The following FAM135B variants were observed in gnomAD, a reference collection of about 807,000 sequenced individuals.
The protein encoded by FAM135B is protein FAM135B.
Under a neutral mutation model 127.7 loss-of-function variants are expected in FAM135B, and 43 were observed. The ratio of observed to expected loss-of-function variants is 0.34; its 90% CI spans 0.26 to 0.43. The LOEUF is 0.43. Among genes scored for constraint, FAM135B ranks in the 20% least tolerant of loss-of-function variants. FAM135B has a pLI of 1.00. For missense variants in FAM135B, 1,558 were observed against 1,725.6 expected, an observed-to-expected ratio of 0.90 and a Z score of 1.72; for synonymous variants, 670 against 665.1, an observed-to-expected ratio of 1.01 and a Z score of -0.11.
chr8:138,139,164 T>G (rs1273618767), intron 17 of FAM135B, 68 bp from the exon 18 acceptor site: 2 of 973,842 alleles, frequency 2.1e-6, no homozygotes, highest in African/African-American at 3.4e-5. Flanking sequence ...GGGATGGAAT[T>G]TTGGTGAGAT....
chr8:138,402,578 A>C (rs1833213922), intron 1 of FAM135B, among the ~76,000 whole-genome samples: 1 of 152,130 alleles, frequency 6.6e-6, no homozygotes, highest in Non-Finnish European at 1.5e-5. Flanking sequence ...CTATGCAGAG[A>C]AGTAGGTGCT....
chr8:138,290,420 C>T (rs2130792399), intron 3 of FAM135B, among the ~76,000 whole-genome samples: 1 of 152,268 alleles, frequency 6.6e-6, no homozygotes, highest in East Asian at 1.9e-4. Context: ...AAAATAAGAA[C>T]TTAGCGGTCT....
rs1816102472 is a variant in FAM135B at position 138,130,340 on chromosome 8, A to G, written c.*2253T>C. The G allele has an allele frequency of 6.6e-6, 1 of 152,128 alleles. No individual in the cohort carries two copies. The highest frequency in any genetic ancestry group is 2.4e-5 in the African/African-American group (1 of 41,438). The allele number at this position is 152,128 out of a possible 1,614,324, so 9.4% of individuals were successfully genotyped here. A position where few individuals can be genotyped will look rare whatever the true frequency, so the allele number is the denominator to read the frequency against. ...TACAATATAGAGATGTACTTTCTAC[A>G]CAATTATAATAGATGCTCAGAGGCC... On this transcript the variant is annotated 3_prime_UTR_variant, in exon 20 of 20. Coordinates refer to ENST00000395297, the MANE Select transcript of FAM135B (RefSeq NM_015912.4).
At chr8:138,231,959 A>T (rs1409482342) in intron 7 of FAM135B, among the ~76,000 whole-genome samples, 1 of 152,232 alleles carries the variant, frequency 6.6e-6, no homozygotes, top group Non-Finnish European at 1.5e-5. Context: ...CCCAAAGGGG[A>T]AATACCTTAC....
intron 2 of FAM135B, among the ~76,000 whole-genome samples, chr8:138,355,191 C>G (rs534931172): frequency 9.9e-5 from 15 of 152,218 alleles, no homozygotes; most frequent in Admixed American, 8.5e-4. Flanking sequence ...ACTAGAAATA[C>G]CATTTGACCC....
intron 11 of FAM135B, among the ~76,000 whole-genome samples, chr8:138,175,206 C>G (rs1814331682): frequency 6.6e-6 from 1 of 152,180 alleles, no homozygotes; most frequent in Admixed American, 6.5e-5. Context: ...AGTACACAAT[C>G]CAAAGTCTTT....
chr8:138,272,083 A>C (rs183669863), intron 3 of FAM135B, among the ~76,000 whole-genome samples: 305 of 152,174 alleles, frequency 2.0e-3, no homozygotes, highest in African/African-American at 7.0e-3. Context: ...GCAATATGTT[A>C]GACATAATTC....
At chr8:138,324,580 C>T (rs1827670428) in intron 2 of FAM135B, among the ~76,000 whole-genome samples, 1 of 152,194 alleles carries the variant, frequency 6.6e-6, no homozygotes, top group Admixed American at 6.5e-5. Context: ...GCACCTATTA[C>T]TTTGATACCT....
At chr8:138,274,815 C>T (rs896851631) in intron 3 of FAM135B, among the ~76,000 whole-genome samples, 1 of 152,010 alleles carries the variant, frequency 6.6e-6, no homozygotes, top group African/African-American at 2.4e-5. Flanking sequence ...TCTGTTCCAC[C>T]CGGCTCACCG....
Position 138,242,983 on chromosome 8 carries a change from A to C in FAM135B, c.628T>G (p.Leu210Val), listed in dbSNP as rs1451908736. 10 of 1,613,958 alleles carry C rather than the reference A, an allele frequency of 6.2e-6. No individual in the cohort carries two copies. Among genetic ancestry groups the C allele is most frequent in the Non-Finnish European group, 8.5e-6 (10 of 1,179,894 alleles). Residue 210 changes from leucine (L) to valine (V), a missense_variant, in exon 7 of 20, where the codon TTG (leucine) becomes GTG (valine). Around this residue, in one of 5 missense-constraint regions of FAM135B, gnomAD observed 127 missense variants for 109.7 expected, o/e 1.16. Transcript: ENST00000395297. The surrounding 1 kb of genome is among the most constrained non-coding windows in gnomAD (Gnocchi z 9.6). ...TTGCAGTACCCAGCTCCAAAGACCA[A>C]GTTTTCCAGAGAAATGATAGACTGT... ...QEQSIISLENLVFGAGYCKPT... is the reference protein window; with the variant it reads ...QEQSIISLENVVFGAGYCKPT...
At chr8:138,221,371 G>A (rs1028335620) in intron 7 of FAM135B, among the ~76,000 whole-genome samples, 1 of 152,074 alleles carries the variant, frequency 6.6e-6, no homozygotes, top group African/African-American at 2.4e-5. Context: ...AGCACCAAGG[G>A]GGATGGTGCC....
intron 2 of FAM135B, among the ~76,000 whole-genome samples, chr8:138,362,704 C>G (rs895141340): frequency 2.0e-5 from 3 of 152,156 alleles, no homozygotes; most frequent in Non-Finnish European, 4.4e-5. Flanking sequence ...GGTACGATTA[C>G]TTATTATTGT....
In FAM135B at chr8:138,151,822, C is replaced by G. The variant is rs570924723; in HGVS notation, c.2653G>C (p.Val885Leu). Residue 885 changes from valine to leucine, a missense_variant, in exon 13 of 20, where the codon GTC becomes CTC. Val to Leu is a conservative substitution (Grantham distance 32). Transcript: ENST00000395297. ...TKGLNLKIPRVIALENPRTRS... is the reference protein window; with the variant it reads ...TKGLNLKIPRLIALENPRTRS... ...GTCCTGGGGTTTTCAAGTGCTATGA[C>G]GCGTGGTATTTTTAAATTAAGACCT... 8.1e-6 allele frequency: 13 copies of G among 1,613,994 alleles called. No individual in the cohort carries two copies. Among genetic ancestry groups the G allele is most frequent in the Non-Finnish European group, 1.1e-5 (13 of 1,180,038 alleles).
At position 138,310,932 on chromosome 8, in the gene FAM135B, G is replaced by A. The variant is rs2130894252; in HGVS notation, c.78-12C>T. ...GGATCTGGTAATACCTAAGAAAAGAGAAGAGGACAGGGTGCTGAAGATCAG... is the reference window on the plus strand; with the variant it reads ...GGATCTGGTAATACCTAAGAAAAGAAAAGAGGACAGGGTGCTGAAGATCAG... On this transcript the variant is annotated splice_polypyrimidine_tract_variant and intron_variant, in intron 2 of 19. Coordinates refer to ENST00000395297, the MANE Select transcript of FAM135B (RefSeq NM_015912.4). The A allele has an allele frequency of 6.2e-7, 1 of 1,608,298 alleles. No homozygotes were observed. The highest frequency in any genetic ancestry group is 8.5e-7 in the Non-Finnish European group (1 of 1,176,454).
chr8:138,142,653 A>C (rs1454651486), intron 16 of FAM135B, among the ~76,000 whole-genome samples: 1 of 152,102 alleles, frequency 6.6e-6, no homozygotes, highest in South Asian at 2.1e-4. Flanking sequence ...ATAAGAAAAC[A>C]GAGGTTTAGA....
At chr8:138,261,478 T>C (rs986510169) in intron 4 of FAM135B, among the ~76,000 whole-genome samples, 2 of 152,242 alleles carry the variant, frequency 1.3e-5, no homozygotes, top group South Asian at 4.1e-4. Flanking sequence ...AGAGGGTGTT[T>C]GTGCATTTTG....
At chr8:138,467,079 C>T (rs1327546458) in intron 1 of FAM135B, among the ~76,000 whole-genome samples, 2 of 152,176 alleles carry the variant, frequency 1.3e-5, no homozygotes, top group South Asian at 2.1e-4. Context: ...AATCAGTCAT[C>T]AGTCACTAAA....
At chr8:138,195,364 T>C in intron 8 of FAM135B, 57 bp from the exon 9 acceptor site, 1 of 1,558,364 alleles carries the variant, frequency 6.4e-7, no homozygotes, top group Non-Finnish European at 8.8e-7. Flanking sequence ...ATGCAGCAGT[T>C]GCTAATTAAA....
intron 2 of FAM135B, among the ~76,000 whole-genome samples, chr8:138,356,589 G>A (rs1830105027): frequency 6.6e-6 from 1 of 152,150 alleles, no homozygotes; most frequent in South Asian, 2.1e-4. Context: ...ATGGTGAAGT[G>A]ATTTTTTCAA....
Sources: gnomAD v4.1 joint callset for allele counts (sites outside exome capture counted in the v4.1 genomes callset) on GRCh38, gnomAD v4.1.1 for gene constraint, gnomAD v4.1.1 regional missense constraint, Gnocchi (gnomAD v3.1) non-coding constraint, MANE v1.5 for transcripts, NCBI Gene and HGNC (gene_info 2026-07-23, HGNC 2026-07-21) for gene names.